Variants in ARFGEF1 observed in about 807,000 individuals in gnomAD.
ARFGEF1 encodes the protein brefeldin A-inhibited guanine nucleotide-exchange protein 1.
ARFGEF1 carries 42 observed loss-of-function variants against 231.0 expected under a neutral mutation model. The observed-to-expected ratio is 0.18, with a 90% CI of 0.14 to 0.24. The LOEUF (loss-of-function observed/expected upper bound fraction) is 0.24, where lower values mean the gene tolerates loss of function less well. Among genes scored for constraint, ARFGEF1 ranks in the 10% least tolerant of loss-of-function variants. The probability of loss-of-function intolerance (pLI) is 1.00; values close to 1 mark genes in which losing one functional copy is unlikely to be tolerated. For synonymous variants in ARFGEF1, 710 were observed against 732.3 expected (o/e 0.97, Z 0.49); for missense variants, 1,345 against 2,192.0 (o/e 0.61, Z 7.72).
Position 67,306,412 on chromosome 8 carries a change from ACT to A in ARFGEF1, c.125-3948_125-3947del, listed in dbSNP as rs547855287. On this transcript the variant is annotated intron_variant, in intron 1 of 38. Coordinates refer to ENST00000262215, the MANE Select transcript of ARFGEF1 (RefSeq NM_006421.5). ...TGTAATATTTTCTAGCCAAATCAAC[ACT>A]GTTTATAAGGCACAGGACACATTTA... 7.2e-4 allele frequency among the ~76,000 whole-genome samples: 109 copies of A among 152,312 alleles called. 1 individual carries two copies. Among genetic ancestry groups the A allele is most frequent in the African/African-American group, 2.5e-3 (105 of 41,576 alleles).
chr8:67,232,195 G>A (rs1229062434), intron 23 of ARFGEF1, among the ~76,000 whole-genome samples: 2 of 151,936 alleles, frequency 1.3e-5, no homozygotes, highest in African/African-American at 4.8e-5. Context: ...CACAAGTAGG[G>A]GGTGGGAGGA....
At chr8:67,189,773 T>C (rs1487686368) in intron 5 of ARFGEF1, among the ~76,000 whole-genome samples, 2 of 152,176 alleles carry the variant, frequency 1.3e-5, no homozygotes, top group South Asian at 2.1e-4. Context: ...CCCCCAAATA[T>C]ATATAGAAAT....
At chr8:67,179,279 T>G (rs1456367772) in intron 5 of ARFGEF1, among the ~76,000 whole-genome samples, 2 of 152,158 alleles carry the variant, frequency 1.3e-5, no homozygotes, top group Non-Finnish European at 2.9e-5. Flanking sequence ...TATGCTCCAC[T>G]ATATCTGTGC....
intron 22 of ARFGEF1, among the ~76,000 whole-genome samples, chr8:67,236,258 C>T (rs1475005670): frequency 7.4e-6 from 1 of 134,248 alleles, no homozygotes; most frequent in Non-Finnish European, 1.5e-5. Context: ...GCAGAGGTTG[C>T]AGTGAGTTGA....
chr8:67,253,648 C>A, intron 17 of ARFGEF1, 26 bp from the exon 18 acceptor site: 1 of 1,266,400 alleles, frequency 7.9e-7, no homozygotes. Flanking sequence ...CATTATAATT[C>A]CTAAAAATTA....
In ARFGEF1 at chr8:67,267,009, T is replaced by A. The variant is rs376294494; in HGVS notation, c.1813-25A>T. On this transcript the variant is annotated intron_variant, in intron 12 of 38. Transcript: ENST00000262215. Reference sequence around the variant, plus strand: ...CCTACAAAGTAATTCAAAAACAAAATTTTTTTTAAAGGTCTTTTAAGGAAA... The same window carrying A: ...CCTACAAAGTAATTCAAAAACAAAAATTTTTTTAAAGGTCTTTTAAGGAAA... 341 of 1,607,198 alleles carry A rather than the reference T, an allele frequency of 2.1e-4. 1 individual carries two copies. The highest frequency in any genetic ancestry group is 1.0e-3 in the Middle Eastern group (6 of 6,018).
chr8:67,265,744 A>T (rs1804825490), intron 14 of ARFGEF1, among the ~76,000 whole-genome samples: 2 of 152,150 alleles, frequency 1.3e-5, no homozygotes, highest in African/African-American at 4.8e-5. Context: ...AAACAGTGCA[A>T]AATTGCACAG....
chr8:67,199,689 C>T (rs1268126990), intron 38 of ARFGEF1: 1 of 151,998 alleles, frequency 6.6e-6, no homozygotes, highest in African/African-American at 2.5e-5. Context: ...AAAAAAAAAG[C>T]CAGCTGTGGA....
At chr8:67,258,766 A>T (rs926056500) in intron 15 of ARFGEF1, among the ~76,000 whole-genome samples, 17 of 152,124 alleles carry the variant, frequency 1.1e-4, no homozygotes, top group Non-Finnish European at 1.9e-4. Flanking sequence ...AAATGCCTTC[A>T]TAAATATATC....
At chr8:67,222,553 C>T (rs546901337) in intron 29 of ARFGEF1, among the ~76,000 whole-genome samples, 175 of 152,140 alleles carry the variant, frequency 1.2e-3, no homozygotes, top group Middle Eastern at 3.4e-3. Context: ...CAGGTTCAAG[C>T]GATTCTCCTG....
At chr8:67,310,089 CCCCTCT>C (rs953592410) in intron 1 of ARFGEF1, among the ~76,000 whole-genome samples, 93 of 152,118 alleles carry the variant, frequency 6.1e-4, no homozygotes, top group Middle Eastern at 3.4e-3. Flanking sequence ...CAGAATCGCT[CCCCTCT>C]CCCTCTCCCT....
chr8:67,274,255 C>G (rs57683177), intron 9 of ARFGEF1, among the ~76,000 whole-genome samples: 3,756 of 145,156 alleles, frequency 0.026, 172 homozygotes, highest in African/African-American at 0.09. Context: ...TTAGCAAGAC[C>G]AGAAAATATA....
At chr8:67,183,878 A>T (rs113168267) in intron 5 of ARFGEF1, among the ~76,000 whole-genome samples, 3,786 of 139,986 alleles carry the variant, frequency 0.027, 119 homozygotes, top group African/African-American at 0.076. Flanking sequence ...TTTTAGACAA[A>T]GTCTTGCTGT....
At chr8:67,339,255 C>G (rs1490521466) in intron 1 of ARFGEF1, among the ~76,000 whole-genome samples, 1 of 152,086 alleles carries the variant, frequency 6.6e-6, no homozygotes, top group Non-Finnish European at 1.5e-5. Context: ...TCCTGGGAAC[C>G]CACCCTTATC....
At chr8:67,208,135 T>C (rs759860122) in intron 34 of ARFGEF1, among the ~76,000 whole-genome samples, 1 of 152,146 alleles carries the variant, frequency 6.6e-6, no homozygotes, top group African/African-American at 2.4e-5. Context: ...ATTCTGTTCT[T>C]TGGAGAACAG....
chr8:67,260,990 A>G (rs954525614), intron 14 of ARFGEF1, among the ~76,000 whole-genome samples: 2 of 152,208 alleles, frequency 1.3e-5, no homozygotes, highest in African/African-American at 2.4e-5. Context: ...AAAGGCCCCA[A>G]CTCTCTTCAA....
intron 5 of ARFGEF1, among the ~76,000 whole-genome samples, chr8:67,183,379 G>C (rs546712394): frequency 1.4e-4 from 22 of 152,164 alleles, no homozygotes; most frequent in Non-Finnish European, 2.2e-4. Flanking sequence ...CATTCACCAG[G>C]ACAGATTACA....
In ARFGEF1 at chr8:67,198,516, C is replaced by A; in HGVS notation, c.*418G>T. Reference sequence around the variant, plus strand: ...CTTTTACCATGAACAATAATTTCTTCTTCTCTCCCCACTCCCCAATTATAA... The same window carrying A: ...CTTTTACCATGAACAATAATTTCTTATTCTCTCCCCACTCCCCAATTATAA... On this transcript the variant is annotated 3_prime_UTR_variant, in exon 39 of 39. Transcript: ENST00000262215. 11 of 989,930 alleles carry A rather than the reference C, an allele frequency of 1.1e-5. No homozygotes were observed. The highest frequency in any genetic ancestry group is 1.2e-5 in the Non-Finnish European group (10 of 832,910). The allele number at this position is 989,930 out of a possible 1,614,324, so 61.3% of individuals were successfully genotyped here. A position where few individuals can be genotyped will look rare whatever the true frequency, so the allele number is the denominator to read the frequency against.
chr8:67,192,634 T>C (rs959313675), intron 5 of ARFGEF1, among the ~76,000 whole-genome samples: 1 of 152,196 alleles, frequency 6.6e-6, no homozygotes, highest in Non-Finnish European at 1.5e-5. Context: ...TTTACTTGTT[T>C]TCTTTCAGTT....
Sources: gnomAD v4.1 joint callset for allele counts (sites outside exome capture counted in the v4.1 genomes callset) on GRCh38, gnomAD v4.1.1 for gene constraint, MANE v1.5 for transcripts, NCBI Gene and HGNC (gene_info 2026-07-23, HGNC 2026-07-21) for gene names.